UBR1: variants seen among roughly 807,000 people sequenced by gnomAD.
UBR1 encodes the protein ubiquitin protein ligase E3 component n-recognin 1, also known as E3 ubiquitin-protein ligase UBR1.
Under a neutral mutation model 242.1 loss-of-function variants are expected in UBR1, and 102 were observed. The observed-to-expected ratio is 0.42, with a 90% CI of 0.36 to 0.50. UBR1 has a LOEUF of 0.50. UBR1 is among the 20% of genes least tolerant of loss of function. UBR1 has a pLI of 0.01. For synonymous variants in UBR1, 675 were observed against 684.8 expected (o/e 0.99, Z 0.22); for missense variants, 1,772 against 2,101.8 (o/e 0.84, Z 3.07).
intron 15 of UBR1, among the ~76,000 whole-genome samples, chr15:43,039,051 T>C (rs565187052): frequency 1.3e-5 from 2 of 151,848 alleles, no homozygotes; most frequent in Non-Finnish European, 2.9e-5. Flanking sequence ...AAGGTACTTT[T>C]TACAAAAATT....
intron 44 of UBR1, among the ~76,000 whole-genome samples, chr15:42,954,113 G>C (rs778360141): frequency 6.6e-6 from 1 of 151,944 alleles, no homozygotes; most frequent in Admixed American, 6.6e-5. Context: ...TTGAACTCCT[G>C]AGTTCAAGAG....
In UBR1 at chr15:42,952,343, C is replaced by T. The variant is rs368979975; in HGVS notation, c.4941G>A (p.Gly1647=). ...QNICCQEIVN[G]EEVGACIFHA... ...GAAAAATGCAAGCTCCAACCTCTTC[C>T]CCGTTCACAATTTCCTGGCAGCAAA... is the stretch of plus-strand genomic sequence containing the variant. The change falls in exon 45 of 47, where the codon GGG becomes GGA. Residue 1647 remains glycine, a synonymous_variant. Coordinates refer to ENST00000290650, the MANE Select transcript of UBR1 (RefSeq NM_174916.3). The T allele has an allele frequency of 1.7e-5, 28 of 1,614,080 alleles. No individual in the cohort carries two copies. Among genetic ancestry groups the T allele is most frequent in the Non-Finnish European group, 2.3e-5 (27 of 1,180,040 alleles).
At chr15:42,952,171 T>G in intron 45 of UBR1, 107 bp downstream of exon 45, 1 of 1,375,626 alleles carries the variant, frequency 7.3e-7, no homozygotes, top group Non-Finnish European at 1.0e-6. Context: ...TACTCTAACT[T>G]CTGATTGATT....
chr15:43,058,530 T>TTCA (rs1354359033), intron 9 of UBR1, 101 bp from the exon 10 acceptor site: 1 of 753,168 alleles, frequency 1.3e-6, no homozygotes, highest in Non-Finnish European at 2.3e-6. Context: ...ATAAAATTAC[T>TTCA]TCACATGCAA....
chr15:43,006,051 C>A (rs1596097020), intron 30 of UBR1, among the ~76,000 whole-genome samples: 2 of 146,636 alleles, frequency 1.4e-5, no homozygotes, highest in African/African-American at 5.0e-5. Context: ...CCTGCCAAAT[C>A]CCCCTCTCGG....
In UBR1 at chr15:42,944,774, T is replaced by C. The variant is rs2031705053; in HGVS notation, c.*555A>G. ...CTGTCCACATAGAGATTGAGTTTAATTTGTGGTGATAGCAGCAGGTGGCAC... is the reference window on the plus strand; with the variant it reads ...CTGTCCACATAGAGATTGAGTTTAACTTGTGGTGATAGCAGCAGGTGGCAC... On this transcript the variant is annotated 3_prime_UTR_variant, in exon 47 of 47. Coordinates refer to ENST00000290650, the MANE Select transcript of UBR1 (RefSeq NM_174916.3). 1 of 168,116 alleles carries C rather than the reference T, an allele frequency of 5.9e-6. No homozygotes were observed. Among genetic ancestry groups the C allele is most frequent in the Non-Finnish European group, 1.3e-5 (1 of 78,028 alleles). 10.4% of individuals were successfully genotyped at this position (168,116 alleles called of 1,614,324 possible).
chr15:43,042,078 G>A (rs533121207), intron 15 of UBR1, among the ~76,000 whole-genome samples: 10 of 152,168 alleles, frequency 6.6e-5, no homozygotes, highest in Non-Finnish European at 1.3e-4. Flanking sequence ...TAGTGCATGC[G>A]GGTGGGAATG....
chr15:43,101,211 T>A, intron 1 of UBR1, among the ~76,000 whole-genome samples: 1 of 152,042 alleles, frequency 6.6e-6, no homozygotes, highest in East Asian at 1.9e-4. Flanking sequence ...CTTGAAGGCT[T>A]GTAATGAGTT....
chr15:42,983,796 G>T, intron 37 of UBR1, 101 bp downstream of exon 37: 1 of 657,310 alleles, frequency 1.5e-6, no homozygotes, highest in Non-Finnish European at 2.3e-6. Context: ...CAAAATTAGT[G>T]CAGTGTATGT....
In UBR1 at chr15:43,054,723, T is replaced by G; in HGVS notation, c.1439+19A>C. 1 of 1,613,940 alleles carries G rather than the reference T, an allele frequency of 6.2e-7. No homozygotes were observed. Among genetic ancestry groups the G allele is most frequent in the African/African-American group, 1.3e-5 (1 of 75,046 alleles). The stretch of plus-strand genomic sequence containing the variant: ...CTGAGTTTAACAGGTGCCCTCACCT[T>G]TTGACTTGAACAACTTACTTTAGGT... On this transcript the variant is annotated intron_variant, in intron 12 of 46. Transcript: ENST00000290650.
intron 11 of UBR1, among the ~76,000 whole-genome samples, chr15:43,055,534 C>T (rs2033607018): frequency 6.6e-6 from 1 of 152,118 alleles, no homozygotes; most frequent in Non-Finnish European, 1.5e-5. Flanking sequence ...TCCTCCTTAC[C>T]CCAATCTAAA....
At chr15:43,009,037 C>A (rs114454965) in intron 29 of UBR1, among the ~76,000 whole-genome samples, 1 of 152,202 alleles carries the variant, frequency 6.6e-6, no homozygotes, top group African/African-American at 2.4e-5. Context: ...GACAAGAACT[C>A]GGGAACCACC....
In UBR1 at chr15:42,979,291, G is replaced by A. The variant is rs145108825; in HGVS notation, c.4151-1344C>T. ...TGACCTCAGGTGATGTGTCTGCCTC[G>A]GCCTCCCAAAGTGCTGGGATTACAA... On this transcript the variant is annotated intron_variant, in intron 37 of 46. Coordinates refer to ENST00000290650, the MANE Select transcript of UBR1 (RefSeq NM_174916.3). Among the ~76,000 whole-genome samples, 613 of 150,672 alleles carry A rather than the reference G, an allele frequency of 4.1e-3. 5 individuals are homozygous for A. Among genetic ancestry groups the A allele is most frequent in the African/African-American group, 0.014 (585 of 40,996 alleles).
chr15:43,076,633 GC>G, intron 3 of UBR1, among the ~76,000 whole-genome samples: 1 of 137,842 alleles, frequency 7.3e-6, no homozygotes, highest in African/African-American at 2.7e-5. Context: ...CTGCCCGGCC[GC>G]CCCGTCTGAG....
intron 7 of UBR1, 78 bp from the exon 8 acceptor site, chr15:43,059,903 G>T: frequency 6.3e-7 from 1 of 1,580,466 alleles, no homozygotes; most frequent in South Asian, 1.1e-5. Context: ...TTCAAATGAA[G>T]AAATCACATA....
intron 33 of UBR1, among the ~76,000 whole-genome samples, chr15:42,993,515 G>A (rs1270337422): frequency 2.0e-5 from 3 of 151,884 alleles, no homozygotes; most frequent in South Asian, 2.1e-4. Context: ...TTACAGGCGC[G>A]GGCCACCAAG....
chr15:43,009,983 T>C (rs2032895216), intron 29 of UBR1, among the ~76,000 whole-genome samples: 1 of 152,196 alleles, frequency 6.6e-6, no homozygotes, highest in Non-Finnish European at 1.5e-5. Flanking sequence ...TGATTCTCCT[T>C]GCCTCGGCCT....
Position 43,036,255 on chromosome 15 carries a change from T to C in UBR1, c.2113A>G (p.Asn705Asp). Residue 705 changes from asparagine to aspartate, a missense_variant, in exon 19 of 47, where the codon AAT becomes GAT. By Grantham distance (23) the Asn-to-Asp change is conservative. Around this residue, in one of 3 missense-constraint regions of UBR1, gnomAD observed 734 missense variants for 893.3 expected, o/e 0.82. Coordinates refer to ENST00000290650, the MANE Select transcript of UBR1 (RefSeq NM_174916.3). ...LQIGASLMDPNKFLLLVLQRY... is the reference protein window; with the variant it reads ...LQIGASLMDPDKFLLLVLQRY... Reference sequence around the variant, plus strand: ...TGAAGTACCAGTAACAAGAACTTATTGGGATCCATTAAAGATGCACCAATC... The same window carrying C: ...TGAAGTACCAGTAACAAGAACTTATCGGGATCCATTAAAGATGCACCAATC... 1 of 1,613,672 alleles carries C rather than the reference T, an allele frequency of 6.2e-7. No individual in the cohort carries two copies. The highest frequency in any genetic ancestry group is 8.5e-7 in the Non-Finnish European group (1 of 1,179,746).
intron 43 of UBR1, among the ~76,000 whole-genome samples, chr15:42,960,302 G>A (rs770636039): frequency 6.6e-6 from 1 of 152,104 alleles, no homozygotes; most frequent in Non-Finnish European, 1.5e-5. Context: ...AAACAAAAGT[G>A]GCTTATAGAA....
Sources: allele counts gnomAD v4.1 joint callset (sites outside exome capture counted in the v4.1 genomes callset), GRCh38; gene constraint gnomAD v4.1.1; regional missense constraint gnomAD v4.1.1; transcripts MANE v1.5; gene names NCBI Gene and HGNC (gene_info 2026-07-23, HGNC 2026-07-21).